KSR2: variants seen among roughly 807,000 people sequenced by gnomAD.
KSR2 encodes kinase suppressor of ras 2.
A neutral mutation model predicts 107.8 loss-of-function variants in KSR2; 25 were observed. That is an observed-to-expected ratio of 0.23 (90% CI 0.17 to 0.32). The LOEUF is 0.32. KSR2 is among the 10% of genes least tolerant of loss of function. KSR2 has a pLI of 1.00. For missense variants in KSR2, 887 were observed against 1,268.9 expected, an observed-to-expected ratio of 0.70 and a Z score of 4.57; for synonymous variants, 480 against 507.0, an observed-to-expected ratio of 0.95 and a Z score of 0.71.
At chr12:117,490,722 T>C (rs1171673345) in intron 14 of KSR2, among the ~76,000 whole-genome samples, 1 of 152,176 alleles carries the variant, frequency 6.6e-6, no homozygotes, top group Non-Finnish European at 1.5e-5. Flanking sequence ...TAATTGAAGG[T>C]ATCTTCAATG....
At chr12:117,938,021 T>C (rs1232392335) in intron 1 of KSR2, among the ~76,000 whole-genome samples, 2 of 151,148 alleles carry the variant, frequency 1.3e-5, no homozygotes, top group African/African-American at 4.9e-5. Context: ...TCCTCCCATG[T>C]TGGACTTCAT....
At chr12:117,905,439 C>T (rs1255395751) in intron 1 of KSR2, among the ~76,000 whole-genome samples, 1 of 152,166 alleles carries the variant, frequency 6.6e-6, no homozygotes, top group African/African-American at 2.4e-5. Flanking sequence ...CCACTCCAGC[C>T]CCAAATCACT....
chr12:117,581,671 T>A (rs779786021), intron 6 of KSR2, among the ~76,000 whole-genome samples: 1 of 152,120 alleles, frequency 6.6e-6, no homozygotes, highest in Admixed American at 6.5e-5. Flanking sequence ...GGACTTCTTA[T>A]AAGGGATGCC....
intron 9 of KSR2, among the ~76,000 whole-genome samples, chr12:117,546,936 T>C (rs767095560): frequency 2.6e-5 from 4 of 152,246 alleles, no homozygotes; most frequent in East Asian, 3.8e-4. Flanking sequence ...ATTTTTATAA[T>C]GAATGCTTTA....
At chr12:117,963,205 C>G (rs1413754015) in intron 1 of KSR2, among the ~76,000 whole-genome samples, 2 of 151,144 alleles carry the variant, frequency 1.3e-5, no homozygotes, top group Non-Finnish European at 3.0e-5. Flanking sequence ...AAAAAGAAAA[C>G]TGCCCCACCC....
intron 3 of KSR2, among the ~76,000 whole-genome samples, chr12:117,819,971 T>TA (rs1891507376): frequency 6.6e-6 from 1 of 152,226 alleles, no homozygotes; most frequent in Non-Finnish European, 1.5e-5. Flanking sequence ...GTAATCCCTT[T>TA]ACTTGGGTAA....
At chr12:117,650,072 T>C (rs1326999672) in intron 5 of KSR2, among the ~76,000 whole-genome samples, 1 of 152,202 alleles carries the variant, frequency 6.6e-6, no homozygotes, top group East Asian at 1.9e-4. Context: ...GGGATACACA[T>C]TATTAATCCT....
At chr12:117,784,882 A>C (rs1040565263) in intron 3 of KSR2, among the ~76,000 whole-genome samples, 10 of 152,210 alleles carry the variant, frequency 6.6e-5, no homozygotes, top group African/African-American at 2.4e-4. Context: ...AGCATGGCAA[A>C]GGCTTTAGGA....
At position 117,842,984 on chromosome 12, in the gene KSR2, G is replaced by GGGAAGGAGGGAGGAGGAAGGAGGGAGGA. The variant is rs146873226; in HGVS notation, c.472+12443_472+12444insTCCTCCCTCCTTCCTCCTCCCTCCTTCC. Among the ~76,000 whole-genome samples, 20 of 151,872 alleles carry GGGAAGGAGGGAGGAGGAAGGAGGGAGGA rather than the reference G, an allele frequency of 1.3e-4. No homozygotes were observed. Among genetic ancestry groups the GGGAAGGAGGGAGGAGGAAGGAGGGAGGA allele is most frequent in the African/African-American group, 3.6e-4 (15 of 41,302 alleles). On this transcript the variant is annotated intron_variant, in intron 3 of 19. Transcript: ENST00000339824. The surrounding 1 kb of genome is among the most constrained non-coding windows in gnomAD (Gnocchi z 4.2). ...GACTTCCTTGGTTCAGATTCAGCTT[G>GGGAAGGAGGGAGGAGGAAGGAGGGAGGA]GGAAGGAGGGAGGAGGAAGGAGGGA...
At chr12:117,616,139 T>C (rs1013585708) in intron 5 of KSR2, among the ~76,000 whole-genome samples, 1 of 140,070 alleles carries the variant, frequency 7.1e-6, no homozygotes, top group African/African-American at 2.7e-5. Context: ...TTAGCCTGGG[T>C]GACAGAGTGA....
At chr12:117,621,096 T>C (rs1032113229) in intron 5 of KSR2, among the ~76,000 whole-genome samples, 16 of 152,130 alleles carry the variant, frequency 1.1e-4, no homozygotes, top group Non-Finnish European at 8.8e-5. Flanking sequence ...AGGGGAAAAT[T>C]ACTGGATTAT....
intron 14 of KSR2, among the ~76,000 whole-genome samples, chr12:117,502,338 G>A (rs1185078839): frequency 6.6e-6 from 1 of 152,220 alleles, no homozygotes; most frequent in Non-Finnish European, 1.5e-5. Flanking sequence ...CTTGGGGACA[G>A]CAATATGGGT....
At chr12:117,803,133 A>G (rs1279029625) in intron 3 of KSR2, among the ~76,000 whole-genome samples, 1 of 152,190 alleles carries the variant, frequency 6.6e-6, no homozygotes, top group Non-Finnish European at 1.5e-5. Context: ...GAAACAATGT[A>G]CAGAGTTAAG....
chr12:117,765,457 T>C (rs1287264564), intron 3 of KSR2, among the ~76,000 whole-genome samples: 1 of 152,174 alleles, frequency 6.6e-6, no homozygotes, highest in East Asian at 1.9e-4. Flanking sequence ...GAGCTTCAGT[T>C]TGGGGGCTCA....
intron 3 of KSR2, among the ~76,000 whole-genome samples, chr12:117,814,981 T>A (rs778351862): frequency 2.0e-5 from 3 of 152,084 alleles, no homozygotes; most frequent in Non-Finnish European, 4.4e-5. Context: ...GATCAAAGGG[T>A]GTGGCCAAAG....
At chr12:117,806,023 T>C (rs981245887) in intron 3 of KSR2, among the ~76,000 whole-genome samples, 10 of 151,980 alleles carry the variant, frequency 6.6e-5, no homozygotes, top group African/African-American at 2.4e-4. Flanking sequence ...GAAATGCAGG[T>C]TCCATGCCCA....
chr12:117,617,779 G>A (rs1004282826), intron 5 of KSR2, among the ~76,000 whole-genome samples: 1 of 152,160 alleles, frequency 6.6e-6, no homozygotes, highest in Non-Finnish European at 1.5e-5. Flanking sequence ...TTATAAACGT[G>A]TATGCACGTG....
At chr12:117,919,954 T>A (rs1415681982) in intron 1 of KSR2, among the ~76,000 whole-genome samples, 1 of 152,256 alleles carries the variant, frequency 6.6e-6, no homozygotes, top group Non-Finnish European at 1.5e-5. Context: ...GTATACATTC[T>A]ATAGATTACA....
intron 11 of KSR2, 94 bp downstream of exon 11, chr12:117,531,572 C>T (rs767791024): frequency 1.3e-5 from 14 of 1,056,750 alleles, no homozygotes; most frequent in Non-Finnish European, 1.7e-5. Flanking sequence ...ATCTTAGGCA[C>T]CCCCACAACA....
Sources: gnomAD v4.1 joint callset for allele counts (sites outside exome capture counted in the v4.1 genomes callset) on GRCh38, gnomAD v4.1.1 for gene constraint, Gnocchi (gnomAD v3.1) non-coding constraint, MANE v1.5 for transcripts, NCBI Gene and HGNC (gene_info 2026-07-23, HGNC 2026-07-21) for gene names.